Variants in KCNAB2 observed in about 807,000 individuals in gnomAD.
The protein encoded by KCNAB2 is potassium voltage-gated channel subfamily A regulatory beta subunit 2, also known as voltage-gated potassium channel subunit beta-2.
KCNAB2 carries 29 observed loss-of-function variants against 63.6 expected under a neutral mutation model. The ratio of observed to expected loss-of-function variants is 0.46; its 90% CI spans 0.34 to 0.62. KCNAB2 has a LOEUF of 0.62. Ranked by LOEUF, KCNAB2 falls within the 20% of genes least tolerant of loss-of-function variation. The probability of loss-of-function intolerance (pLI) is 0.01; values close to 1 mark genes in which losing one functional copy is unlikely to be tolerated. For missense variants in KCNAB2, 359 were observed against 563.9 expected (o/e 0.64, Z 3.68); for synonymous variants, 222 against 224.2 (o/e 0.99, Z 0.09).
Position 6,095,723 on chromosome 1 carries a change from G to A in KCNAB2, c.948+99G>A, listed in dbSNP as rs929419522. On this transcript the variant is annotated intron_variant, in intron 13 of 15. Transcript: ENST00000378083. ...TGCTTTGGTGCTGGGCAGGGGTTCC[G>A]GGAGCTGCAGCTGTTCCCACCTCGG... is the stretch of plus-strand genomic sequence containing the variant. The A allele has an allele frequency of 1.1e-4, 127 of 1,130,766 alleles. 1 individual carries two copies. Among genetic ancestry groups the A allele is most frequent in the Admixed American group, 6.9e-4 (37 of 53,848 alleles). The allele number at this position is 1,130,766 out of a possible 1,614,324, so 70.0% of individuals were successfully genotyped here.
intron 2 of KCNAB2, among the ~76,000 whole-genome samples, chr1:6,070,921 G>A (rs1191055232): frequency 6.6e-6 from 1 of 151,720 alleles, no homozygotes. Context: ...CTCCTTTAGG[G>A]AAAATCCCAG....
At chr1:6,072,894 C>G (rs1345698620) in intron 3 of KCNAB2, 96 bp downstream of exon 3, 9 of 1,249,264 alleles carry the variant, frequency 7.2e-6, no homozygotes, top group Admixed American at 5.8e-5. Context: ...GCAGGGTGGC[C>G]CAAACCTTGG....
intron 2 of KCNAB2, among the ~76,000 whole-genome samples, chr1:6,055,746 C>G (rs1487376010): frequency 2.6e-5 from 4 of 151,950 alleles, no homozygotes; most frequent in Admixed American, 2.6e-4. Flanking sequence ...TGGCCTCACT[C>G]TATCTGGTGA....
At chr1:6,020,220 G>A (rs900416794) in intron 1 of KCNAB2, among the ~76,000 whole-genome samples, 6 of 152,166 alleles carry the variant, frequency 3.9e-5, no homozygotes, top group Non-Finnish European at 5.9e-5. Flanking sequence ...TGATTCGGTC[G>A]TTGATCCTTA....
intron 1 of KCNAB2, among the ~76,000 whole-genome samples, chr1:6,010,364 G>A (rs1405421547): frequency 7.9e-5 from 12 of 152,178 alleles, no homozygotes; most frequent in Non-Finnish European, 4.4e-5. Flanking sequence ...CGAGGCTGAG[G>A]CAGGAGGATC....
intron 5 of KCNAB2, among the ~76,000 whole-genome samples, 163 bp downstream of exon 5, chr1:6,082,437 G>A (rs1664289023): frequency 6.6e-6 from 1 of 152,158 alleles, no homozygotes. Context: ...CTATTTTCAT[G>A]GGGCTGGAAT....
intron 5 of KCNAB2, among the ~76,000 whole-genome samples, chr1:6,083,487 C>G (rs1664385792): frequency 6.6e-6 from 1 of 152,186 alleles, no homozygotes; most frequent in Non-Finnish European, 1.5e-5. Context: ...GGGCAAGTTC[C>G]CTGGGTCTCC....
At chr1:5,999,189 C>T (rs907354282) in intron 1 of KCNAB2, among the ~76,000 whole-genome samples, 7 of 152,202 alleles carry the variant, frequency 4.6e-5, no homozygotes, top group South Asian at 2.1e-4. Flanking sequence ...AGGTTGGCTG[C>T]GTAGTGCTTT....
At chr1:6,081,873 A>G (rs11121192) in intron 4 of KCNAB2, among the ~76,000 whole-genome samples, 5,731 of 152,298 alleles carry the variant, frequency 0.038, 373 homozygotes, top group African/African-American at 0.13. Flanking sequence ...TTCTGTGGGG[A>G]TACTGTTCGA....
At chr1:6,002,552 C>T (rs1158090889) in intron 1 of KCNAB2, among the ~76,000 whole-genome samples, 4 of 152,248 alleles carry the variant, frequency 2.6e-5, no homozygotes, top group African/African-American at 9.6e-5. Context: ...CTGAACCGTA[C>T]GTGATGCCCA....
intron 10 of KCNAB2, among the ~76,000 whole-genome samples, chr1:6,093,818 C>T (rs1665392284): frequency 6.6e-6 from 1 of 152,240 alleles, no homozygotes; most frequent in African/African-American, 2.4e-5. Context: ...TGACAGGAAA[C>T]ATGAGCTCAG....
chr1:6,006,656 A>G (rs377384833), intron 1 of KCNAB2, among the ~76,000 whole-genome samples: 52 of 3,356 alleles, frequency 0.015, 10 homozygotes, highest in Admixed American at 0.037. Flanking sequence ...CAGGTCCCAC[A>G]TCCCCCACTT....
chr1:6,090,723 G>A (rs1170678117), intron 9 of KCNAB2, among the ~76,000 whole-genome samples: 6 of 152,150 alleles, frequency 3.9e-5, no homozygotes, highest in Non-Finnish European at 7.4e-5. Flanking sequence ...CCTGGCTTTG[G>A]ACCCAGGCCG....
At position 5,994,544 on chromosome 1, in the gene KCNAB2, C is replaced by T. The variant is rs564765435; in HGVS notation, c.-53+1756C>T. Among the ~76,000 whole-genome samples the T allele has an allele frequency of 4.3e-4, 66 of 152,138 alleles. No homozygotes were observed. The highest frequency in any genetic ancestry group is 1.5e-3 in the African/African-American group (62 of 41,504). On this transcript the variant is annotated intron_variant, in intron 1 of 16. Transcript: ENST00000341524. The surrounding 1 kb of genome is among the most constrained non-coding windows in gnomAD (Gnocchi z 5.4). Reference sequence around the variant, plus strand: ...CCCAGGGCCATTTTTTTTTTCCCTGCGCCAGTCAGCAAATGCTTTGTAGGT... The same window carrying T: ...CCCAGGGCCATTTTTTTTTTCCCTGTGCCAGTCAGCAAATGCTTTGTAGGT...
Position 6,096,662 on chromosome 1 carries a change from C to T in KCNAB2, c.975C>T (p.Ile325=), listed in dbSNP as rs1571113301. 6.2e-7 allele frequency: 1 copy of T among 1,610,416 alleles called. No individual in the cohort carries two copies. The highest frequency in any genetic ancestry group is 1.7e-4 in the Middle Eastern group (1 of 6,054). The change falls in exon 14 of 16, where the codon ATC becomes ATT. Residue 325 remains isoleucine, a synonymous_variant. Coordinates refer to ENST00000378083, the MANE Select transcript of KCNAB2 (RefSeq NM_001199862.2). The surrounding 1 kb of genome is among the most constrained non-coding windows in gnomAD (Gnocchi z 5.9). The part of the protein sequence containing the change: ...LKGYQWLKDK[I]LSEEGRRQQA... ...GCTACCAGTGGCTGAAGGACAAGAT[C>T]CTCAGTGAGGAGGGCCGGCGCCAGC...
rs199512780 is a variant in KCNAB2, at chr1:6,096,980, AC to A, written c.1069+229del. On this transcript the variant is annotated intron_variant, in intron 14 of 15. Transcript: ENST00000378083. This position sits in a 1 kb window ranked among gnomAD's most constrained non-coding sequence, Gnocchi z 5.9. ...TCAGGAGTCCCTGAGGACCTGGGCCACCCCCTCCATCTGCCAGCCATAGGTA... is the reference window on the plus strand; with the variant it reads ...TCAGGAGTCCCTGAGGACCTGGGCCACCCCTCCATCTGCCAGCCATAGGTA... 9.4e-3 allele frequency among the ~76,000 whole-genome samples: 1,431 copies of A among 152,060 alleles called. 18 individuals are homozygous for A. The highest frequency in any genetic ancestry group is 0.031 in the Middle Eastern group (9 of 292).
At chr1:6,092,430 G>A in intron 10 of KCNAB2, among the ~76,000 whole-genome samples, 1 of 152,262 alleles carries the variant, frequency 6.6e-6, no homozygotes, top group East Asian at 1.9e-4. Context: ...CACTGGCTGG[G>A]ACCTTGGAGA....
chr1:6,049,179 ACTG>A (rs1661188498), intron 1 of KCNAB2, among the ~76,000 whole-genome samples: 2 of 152,198 alleles, frequency 1.3e-5, no homozygotes, highest in African/African-American at 4.8e-5. Context: ...GCTGCCTGGC[ACTG>A]CCAGGAAATG....
At chr1:6,000,759 T>C (rs983899325) in intron 1 of KCNAB2, among the ~76,000 whole-genome samples, 2 of 151,918 alleles carry the variant, frequency 1.3e-5, no homozygotes, top group African/African-American at 2.4e-5. Context: ...GGGGTCCTGG[T>C]GACGCCAGCA....
Sources: allele counts gnomAD v4.1 joint callset (sites outside exome capture counted in the v4.1 genomes callset), GRCh38; gene constraint gnomAD v4.1.1; non-coding constraint Gnocchi (gnomAD v3.1); transcripts MANE v1.5; gene names NCBI Gene and HGNC (gene_info 2026-07-23, HGNC 2026-07-21).